The following C1QTNF9 variants were observed in gnomAD, a reference collection of about 807,000 sequenced individuals.
C1QTNF9 encodes C1q and TNF related 9, also known as complement C1q and tumor necrosis factor-related protein 9A.
In C1QTNF9, 6 loss-of-function variants were observed where a neutral mutation model predicts 10.1. That is an observed-to-expected ratio of 0.59 (90% CI 0.32 to 1.17). The LOEUF (loss-of-function observed/expected upper bound fraction) is 1.17, where lower values mean the gene tolerates loss of function less well. Ranked by LOEUF, C1QTNF9 falls within the 50% of genes most tolerant of loss-of-function variation. C1QTNF9 has a pLI of 0.04. For missense variants in C1QTNF9, 201 were observed against 418.8 expected, an observed-to-expected ratio of 0.48 and a Z score of 4.54; for synonymous variants, 98 against 163.5, an observed-to-expected ratio of 0.60 and a Z score of 3.06.
intron 1 of C1QTNF9, among the ~76,000 whole-genome samples, chr13:24,313,574 C>T (rs1281548375): frequency 2.0e-5 from 3 of 152,152 alleles, no homozygotes; most frequent in East Asian, 1.9e-4. Flanking sequence ...TGGAATGGAG[C>T]GAATTTGTGA....
chr13:24,308,666 C>T (rs1431035800), upstream of C1QTNF9, among the ~76,000 whole-genome samples: 1 of 151,930 alleles, frequency 6.6e-6, no homozygotes, highest in Non-Finnish European at 1.5e-5. Context: ...TGCGTGGGCT[C>T]CTGCTCTGTG....
chr13:24,307,854 C>T (rs1174720472), upstream of C1QTNF9, among the ~76,000 whole-genome samples: 1 of 152,238 alleles, frequency 6.6e-6, no homozygotes, highest in Non-Finnish European at 1.5e-5. Flanking sequence ...CCCAGCTGAA[C>T]CTGGGCCGCA....
chr13:24,316,279 CCATA>C (rs1467776054), intron 2 of C1QTNF9, 110 bp downstream of exon 2: 3 of 1,476,258 alleles, frequency 2.0e-6, no homozygotes, highest in African/African-American at 1.4e-5. Context: ...CCCCATCCAT[CCATA>C]CATACATCAA....
At chr13:24,316,287 A>G (rs1428294279) in intron 2 of C1QTNF9, 118 bp downstream of exon 2, 2 of 1,442,000 alleles carry the variant, frequency 1.4e-6, no homozygotes, top group African/African-American at 1.4e-5. Context: ...ATCCATACAT[A>G]CATCAACCCA....
chr13:24,308,682 C>T (rs1417235760), upstream of C1QTNF9, among the ~76,000 whole-genome samples: 1 of 152,242 alleles, frequency 6.6e-6, no homozygotes, highest in East Asian at 1.9e-4. Context: ...CTGTGCGTGG[C>T]CTCGCCGCCG....
chr13:24,312,618 A>G (rs1877871765), intron 1 of C1QTNF9, among the ~76,000 whole-genome samples: 1 of 152,170 alleles, frequency 6.6e-6, no homozygotes, highest in African/African-American at 2.4e-5. Context: ...ATTAAAGAAG[A>G]GGCTAAATAG....
upstream of C1QTNF9, among the ~76,000 whole-genome samples, chr13:24,307,409 G>A (rs1877639951): frequency 6.6e-6 from 1 of 152,260 alleles, no homozygotes; most frequent in Non-Finnish European, 1.5e-5. Flanking sequence ...CTGAAGGCTA[G>A]GCCCTGCCAC....
intron 2 of C1QTNF9, among the ~76,000 whole-genome samples, chr13:24,317,172 A>G (rs1208434485): frequency 6.6e-6 from 1 of 152,168 alleles, no homozygotes; most frequent in Non-Finnish European, 1.5e-5. Context: ...GTCCCCAGGT[A>G]GCAAACAGCC....
chr13:24,308,205 CCTGTCTCAGAGCTCT>C (rs1344442718), upstream of C1QTNF9, among the ~76,000 whole-genome samples: 3 of 152,208 alleles, frequency 2.0e-5, no homozygotes, highest in Admixed American at 2.0e-4. Flanking sequence ...CCCAGGTGGT[CCTGTCTCAGAGCTCT>C]CCGGGGCGCA....
At chr13:24,311,900 C>T (rs943999074) in intron 1 of C1QTNF9, among the ~76,000 whole-genome samples, 7 of 152,174 alleles carry the variant, frequency 4.6e-5, no homozygotes, top group Non-Finnish European at 1.0e-4. Context: ...GGAAAGGGCA[C>T]CCCCTTACCC....
In C1QTNF9 at chr13:24,316,146, C is replaced by T. The variant is rs143537751; in HGVS notation, c.143C>T (p.Ala48Val). The change falls in exon 2 of 4, where the codon GCG becomes GTG. Residue 48 changes from alanine to valine, a missense_variant. Ala to Val is a moderately conservative substitution (Grantham distance 64). Around this residue, in one of 3 missense-constraint regions of C1QTNF9, gnomAD observed 53 missense variants for 81.6 expected, o/e 0.65. Transcript: ENST00000332018. ...CCTGGAAGAGATGGACGAGACGGAG[C>T]GAAGGGTGACAAAGGCGATGCAGGT... 153 of 1,606,720 alleles carry T rather than the reference C, an allele frequency of 9.5e-5. No individual in the cohort carries two copies. Among genetic ancestry groups the T allele is most frequent in the Non-Finnish European group, 7.0e-5 (82 of 1,175,668 alleles).
chr13:24,316,139 G>A (rs1292741792), exon 2 of C1QTNF9: 1 of 1,609,248 alleles, frequency 6.2e-7, no homozygotes, highest in African/African-American at 1.3e-5. Context: ...AGATGGACGA[G>A]ACGGAGCGAA....
At chr13:24,316,514 G>A (rs531671324) in intron 2 of C1QTNF9, among the ~76,000 whole-genome samples, 117 of 152,280 alleles carry the variant, frequency 7.7e-4, no homozygotes, top group African/African-American at 2.7e-3. Flanking sequence ...TCAGGTGACA[G>A]GTATGATGGA....
exon 4 of C1QTNF9, chr13:24,322,081 A>AAG: frequency 3.6e-6 from 1 of 276,962 alleles, no homozygotes. Flanking sequence ...GAGTCATATG[A>AAG]AGATGTATCC....
At chr13:24,320,393 TA>T (rs1000304659) in intron 3 of C1QTNF9, among the ~76,000 whole-genome samples, 13 of 152,314 alleles carry the variant, frequency 8.5e-5, no homozygotes, top group African/African-American at 3.1e-4. Context: ...CATTTATTTT[TA>T]TTTTTTTTGA....
chr13:24,310,833 A>T (rs1014748654), intron 1 of C1QTNF9, among the ~76,000 whole-genome samples: 26 of 149,758 alleles, frequency 1.7e-4, no homozygotes, highest in African/African-American at 6.2e-4. Context: ...AATGGCGTGA[A>T]CCCAGGAGGC....
At chr13:24,312,052 A>T (rs1452317383) in intron 1 of C1QTNF9, among the ~76,000 whole-genome samples, 1 of 152,184 alleles carries the variant, frequency 6.6e-6, no homozygotes, top group African/African-American at 2.4e-5. Flanking sequence ...CCCAGCTAAA[A>T]TTTCTATTAC....
upstream of C1QTNF9, among the ~76,000 whole-genome samples, chr13:24,308,408 G>A (rs1877682245): frequency 6.6e-6 from 1 of 152,212 alleles, no homozygotes; most frequent in African/African-American, 2.4e-5. Flanking sequence ...TGGGACTCAG[G>A]GGCTCCTTGC....
chr13:24,311,685 A>G (rs1593530813), intron 1 of C1QTNF9, among the ~76,000 whole-genome samples: 2 of 152,350 alleles, frequency 1.3e-5, no homozygotes, highest in East Asian at 3.9e-4. Context: ...ATGTGGGCTC[A>G]GCTGTGTGTC....
Sources: allele counts gnomAD v4.1 joint callset (sites outside exome capture counted in the v4.1 genomes callset), GRCh38; gene constraint gnomAD v4.1.1; regional missense constraint gnomAD v4.1.1; transcripts MANE v1.5; gene names NCBI Gene and HGNC (gene_info 2026-07-23, HGNC 2026-07-21).